NEIL3: variants seen among roughly 807,000 people sequenced by gnomAD.
NEIL3 encodes the protein nei like DNA glycosylase 3.
A neutral mutation model predicts 57.5 loss-of-function variants in NEIL3; 48 were observed. That is an observed-to-expected ratio of 0.83 (90% CI 0.66 to 1.06). NEIL3 has a LOEUF of 1.06. Among genes scored for constraint, NEIL3 ranks in the 50% least tolerant of loss-of-function variants. The probability of loss-of-function intolerance (pLI) is 0.00; values close to 1 mark genes in which losing one functional copy is unlikely to be tolerated. For missense variants in NEIL3, 717 were observed against 739.1 expected (o/e 0.97, Z 0.35); for synonymous variants, 261 against 253.2 (o/e 1.03, Z -0.29).
At chr4:177,343,134 A>G (rs1216745472) in intron 6 of NEIL3, 1 of 152,234 alleles carries the variant, frequency 6.6e-6, no homozygotes, top group African/African-American at 2.4e-5. Context: ...AGGATGATGC[A>G]AAAGGTTTCA....
At chr4:177,314,186 A>G (rs553995722) in intron 1 of NEIL3, among the ~76,000 whole-genome samples, 38 of 152,286 alleles carry the variant, frequency 2.5e-4, no homozygotes, top group African/African-American at 8.4e-4. Flanking sequence ...ATTTATCCTT[A>G]ATGACTCAAG....
intron 1 of NEIL3, among the ~76,000 whole-genome samples, chr4:177,318,362 G>A (rs1734612912): frequency 6.7e-6 from 1 of 149,072 alleles, no homozygotes; most frequent in African/African-American, 2.6e-5. Context: ...GTGGTTTGAG[G>A]TTAAATGATA....
chr4:177,310,224 G>C (rs561301224), intron 1 of NEIL3, 115 bp downstream of exon 1: 4 of 1,170,252 alleles, frequency 3.4e-6, no homozygotes, highest in Non-Finnish European at 4.6e-6. Flanking sequence ...GGTTTCCTGG[G>C]GTCCCACCTT....
chr4:177,356,046 ATGTT>A (rs1388052991), intron 8 of NEIL3, among the ~76,000 whole-genome samples: 1 of 152,066 alleles, frequency 6.6e-6, no homozygotes, highest in Non-Finnish European at 1.5e-5. Flanking sequence ...TTAATTAAGA[ATGTT>A]TGAGTTGGGA....
At chr4:177,360,253 C>A (rs570848005) in intron 8 of NEIL3, among the ~76,000 whole-genome samples, 1 of 152,292 alleles carries the variant, frequency 6.6e-6, no homozygotes, top group East Asian at 1.9e-4. Context: ...ATACACAGTC[C>A]AGCTGCTTTT....
At chr4:177,327,963 G>T (rs1734815175) in intron 2 of NEIL3, among the ~76,000 whole-genome samples, 1 of 152,002 alleles carries the variant, frequency 6.6e-6, no homozygotes, top group African/African-American at 2.4e-5. Flanking sequence ...TTTTATTGAG[G>T]ACTTTTGCTT....
At chr4:177,311,635 T>C (rs1734476541) in intron 1 of NEIL3, among the ~76,000 whole-genome samples, 2 of 148,014 alleles carry the variant, frequency 1.4e-5, no homozygotes, top group Non-Finnish European at 3.0e-5. Flanking sequence ...GGTCGCGTTA[T>C]TGCACCCCAG....
In NEIL3 at chr4:177,344,535, A is replaced by T. The variant is rs964558622; in HGVS notation, c.869+2893A>T. On this transcript the variant is annotated intron_variant, in intron 6 of 9. Transcript: ENST00000264596. Reference sequence around the variant, plus strand: ...TGATCATATCACACTTTTAATACTGATGCTATTTATTGTTGGTTCTTTTTT... The same window carrying T: ...TGATCATATCACACTTTTAATACTGTTGCTATTTATTGTTGGTTCTTTTTT... Among the ~76,000 whole-genome samples, 12 of 152,014 alleles carry T rather than the reference A, an allele frequency of 7.9e-5. No individual in the cohort carries two copies. In the East Asian group the frequency reaches 2.1e-3, roughly 27 times the overall value.
chr4:177,322,381 C>T (rs1734701590), intron 1 of NEIL3, 78 bp from the exon 2 acceptor site: 4 of 1,581,234 alleles, frequency 2.5e-6, no homozygotes, highest in Non-Finnish European at 3.5e-6. Context: ...AATATAAACA[C>T]ATTTAAGAAT....
Position 177,362,890 on chromosome 4 carries a change from A to G in NEIL3, c.*419A>G, listed in dbSNP as rs973106882. 1.3e-5 allele frequency: 2 copies of G among 152,264 alleles called. No homozygotes were observed. Among genetic ancestry groups the G allele is most frequent in the African/African-American group, 4.8e-5 (2 of 41,474 alleles). The allele number at this position is 152,264 out of a possible 1,614,324, so 9.4% of individuals were successfully genotyped here. A position where few individuals can be genotyped will look rare whatever the true frequency, so the allele number is the denominator to read the frequency against. ...TAACACTATTTATAATATATGATTA[A>G]AGATATTTCTTGTTTTATTAAATAA... On this transcript the variant is annotated 3_prime_UTR_variant, in exon 10 of 10. Coordinates refer to ENST00000264596, the MANE Select transcript of NEIL3 (RefSeq NM_018248.3).
intron 6 of NEIL3, among the ~76,000 whole-genome samples, chr4:177,350,312 CTG>C (rs1226043449): frequency 1.3e-5 from 2 of 152,164 alleles, no homozygotes; most frequent in African/African-American, 2.4e-5. Context: ...GGTTGCTTAA[CTG>C]TGTGACATGC....
At chr4:177,349,771 A>G (rs967832880) in intron 6 of NEIL3, among the ~76,000 whole-genome samples, 1 of 152,220 alleles carries the variant, frequency 6.6e-6, no homozygotes, top group African/African-American at 2.4e-5. Context: ...AAGAAAGGAA[A>G]GAATGTTTCC....
At chr4:177,330,273 A>G (rs1734857045) in intron 2 of NEIL3, among the ~76,000 whole-genome samples, 1 of 152,242 alleles carries the variant, frequency 6.6e-6, no homozygotes, top group South Asian at 2.1e-4. Context: ...ATAAATCACA[A>G]AGGAACTTAG....
At position 177,353,526 on chromosome 4, in the gene NEIL3, C is replaced by G; in HGVS notation, c.1258C>G (p.Pro420Ala). Residue 420 changes from proline to alanine, a missense_variant, in exon 8 of 10, where the codon CCT becomes GCT. Transcript: ENST00000264596. ...ACTAGATGAGGAGTTTCAAAACTCT[C>G]CTCCTGCTAGTGTTTGTTTGAATGA... Reference protein sequence around the residue: ...QILDEEFQNSPPASVCLNDIQ... With the variant: ...QILDEEFQNSAPASVCLNDIQ... 10 of 1,613,166 alleles carry G rather than the reference C, an allele frequency of 6.2e-6. No individual in the cohort carries two copies. The highest frequency in any genetic ancestry group is 8.5e-6 in the Non-Finnish European group (10 of 1,179,318).
At position 177,360,556 on chromosome 4, in the gene NEIL3, CT is replaced by C. The variant is rs1423391782; in HGVS notation, c.1515del (p.Arg506AlafsTer57). 1.2e-6 allele frequency: 2 copies of C among 1,613,920 alleles called. No individual in the cohort carries two copies. The highest frequency in any genetic ancestry group is 1.7e-6 in the Non-Finnish European group (2 of 1,179,952). On this transcript the variant is annotated frameshift_variant, in exon 9 of 10. Coordinates refer to ENST00000264596, the MANE Select transcript of NEIL3 (RefSeq NM_018248.3). LOFTEE classifies it high-confidence loss of function. Reference protein sequence around the residue: ...DGPRTLNPDSPRCSKHNRLCI... With the variant: ...DGPRTLNPDSXRCSKHNRLCI... ...CCTCGTACCTTAAATCCTGACAGCC[CT>C]CGCTGCAGTAAACACAACCGCCTCT...
downstream of NEIL3, among the ~76,000 whole-genome samples, chr4:177,364,681 G>A (rs1215538038): frequency 1.3e-5 from 2 of 152,134 alleles, no homozygotes; most frequent in Non-Finnish European, 2.9e-5. Flanking sequence ...TGTAATCCCA[G>A]CACTGTGGGA....
rs1734961257 is a variant in NEIL3, at chr4:177,335,704, A to C, written c.295A>C (p.Lys99Gln). ...TTGTTTCAGGATTCATTTCGGAATG[A>C]AAGGCTTCATCATGATTAATCCACT... ...PKALRIHFGM[K>Q]GFIMINPLEY... Residue 99 changes from lysine (K) to glutamine (Q), a missense_variant, in exon 3 of 10, where the codon AAA becomes CAA. Transcript: ENST00000264596. 6.2e-7 allele frequency: 1 copy of C among 1,609,174 alleles called. No individual in the cohort carries two copies. The highest frequency in any genetic ancestry group is 1.3e-5 in the African/African-American group (1 of 74,700).
intron 6 of NEIL3, among the ~76,000 whole-genome samples, chr4:177,350,415 A>G (rs111942118): frequency 1.1e-4 from 17 of 152,368 alleles, no homozygotes; most frequent in East Asian, 1.9e-4. Context: ...TACATGGTCA[A>G]TGAAGGACTT....
downstream of NEIL3, among the ~76,000 whole-genome samples, chr4:177,367,660 T>C (rs1222254758): frequency 6.6e-6 from 1 of 152,244 alleles, no homozygotes. Context: ...CGAGATGCTA[T>C]GTGGTCTGCT....
Sources: allele counts gnomAD v4.1 joint callset (sites outside exome capture counted in the v4.1 genomes callset), GRCh38; gene constraint gnomAD v4.1.1; transcripts MANE v1.5; gene names NCBI Gene and HGNC (gene_info 2026-07-23, HGNC 2026-07-21).